The following ATP2C1 variants were observed in gnomAD, a reference collection of about 807,000 sequenced individuals.
The protein encoded by ATP2C1 is ATPase secretory pathway Ca2+ transporting 1, also known as calcium-transporting ATPase type 2C member 1.
In ATP2C1, 31 loss-of-function variants were observed where a neutral mutation model predicts 120.5. That is an observed-to-expected ratio of 0.26 (90% confidence interval 0.19 to 0.35). The LOEUF (loss-of-function observed/expected upper bound fraction) is 0.35, where lower values mean the gene tolerates loss of function less well. ATP2C1 is among the 10% of genes least tolerant of loss of function. The pLI is 1.00. For synonymous variants in ATP2C1, 351 were observed against 358.7 expected (o/e 0.98, Z 0.24); for missense variants, 731 against 1,107.5 (o/e 0.66, Z 4.83).
rs899499453 is a variant in ATP2C1, at chr3:130,952,733, G to C, written c.532-1088G>C. On this transcript the variant is annotated intron_variant, in intron 8 of 27. Transcript: ENST00000510168. Reference sequence around the variant, plus strand: ...CAGTAAAGTCATGAACTAATTCCTAGTTTCTTACAGAGTATCCTAAGGACC... The same window carrying C: ...CAGTAAAGTCATGAACTAATTCCTACTTTCTTACAGAGTATCCTAAGGACC... 3.3e-5 allele frequency among the ~76,000 whole-genome samples: 5 copies of C among 152,280 alleles called. No homozygotes were observed. In the South Asian group the frequency reaches 1.0e-3, roughly 32 times the overall value.
Position 130,965,025 on chromosome 3 carries a change from T to C in ATP2C1, c.1102T>C (p.Ser368Pro). 6.2e-7 allele frequency: 1 copy of C among 1,611,260 alleles called. No homozygotes were observed. Among genetic ancestry groups the C allele is most frequent in the Non-Finnish European group, 8.5e-7 (1 of 1,177,944 alleles). ...AATGACTGTTACTCACATATTTACTTCAGATGGTCTGCATGCTGAGGTACT... is the reference window on the plus strand; with the variant it reads ...AATGACTGTTACTCACATATTTACTCCAGATGGTCTGCATGCTGAGGTACT... ...NEMTVTHIFT[S>P]DGLHAEVTGV... Residue 368 changes from serine to proline, a missense_variant, in exon 14 of 28, where the codon TCA becomes CCA. This residue lies in a region of ATP2C1 where 571 missense variants were observed against 845.9 expected (regional missense o/e 0.67). Coordinates refer to ENST00000510168, the MANE Select transcript of ATP2C1 (RefSeq NM_001378687.1).
At chr3:130,952,319 A>G (rs1449965552) in intron 8 of ATP2C1, among the ~76,000 whole-genome samples, 3 of 152,290 alleles carry the variant, frequency 2.0e-5, no homozygotes, top group East Asian at 1.9e-4. Flanking sequence ...AGCAGTAATA[A>G]ATATTTGTTA....
At chr3:130,856,968 T>C (rs964067220) in intron 1 of ATP2C1, among the ~76,000 whole-genome samples, 8 of 152,226 alleles carry the variant, frequency 5.3e-5, no homozygotes, top group African/African-American at 1.9e-4. Flanking sequence ...ATTGTAACTT[T>C]GGGCACAAAT....
At chr3:130,985,326 A>C (rs1286369658) in intron 20 of ATP2C1, among the ~76,000 whole-genome samples, 2 of 152,184 alleles carry the variant, frequency 1.3e-5, no homozygotes, top group Non-Finnish European at 2.9e-5. Context: ...ATAGCGGAAA[A>C]GGAAACTAAA....
chr3:131,004,041 G>A (rs529720057), downstream of ATP2C1, among the ~76,000 whole-genome samples: 2 of 152,240 alleles, frequency 1.3e-5, no homozygotes, highest in South Asian at 2.1e-4. Context: ...GAAGTAGAAC[G>A]ATAATGGCAT....
chr3:130,881,118 G>A (rs2068766308), intron 1 of ATP2C1, among the ~76,000 whole-genome samples: 1 of 152,202 alleles, frequency 6.6e-6, no homozygotes, highest in Non-Finnish European at 1.5e-5. Flanking sequence ...GACTGAAAAT[G>A]TTTCTGATAT....
chr3:130,980,282 T>TG (rs143214626), intron 19 of ATP2C1, among the ~76,000 whole-genome samples: 7,773 of 151,734 alleles, frequency 0.051, 272 homozygotes, highest in Middle Eastern at 0.1. Context: ...GACAGGGTCT[T>TG]GCTATATTGC....
chr3:130,903,885 A>G (rs980587894), intron 2 of ATP2C1, among the ~76,000 whole-genome samples: 2 of 152,004 alleles, frequency 1.3e-5, no homozygotes, highest in Non-Finnish European at 2.9e-5. Flanking sequence ...CCTTGTACCA[A>G]ATTTCTTTCA....
At chr3:130,887,489 G>A (rs2069014205) in intron 1 of ATP2C1, among the ~76,000 whole-genome samples, 1 of 152,182 alleles carries the variant, frequency 6.6e-6, no homozygotes, top group Non-Finnish European at 1.5e-5. Context: ...AAAAATCCTT[G>A]TATGTCTACC....
At chr3:131,007,381 T>C (rs547024447), downstream of ATP2C1, among the ~76,000 whole-genome samples, 3 of 152,372 alleles carry the variant, frequency 2.0e-5, no homozygotes, top group East Asian at 5.8e-4. Context: ...CCCACATTTC[T>C]GTGGTGGCTT....
intron 1 of ATP2C1, chr3:130,854,086 T>C (rs551964445): frequency 6.6e-6 from 1 of 152,338 alleles, no homozygotes; most frequent in Admixed American, 6.5e-5. Context: ...TTGGTAGCTT[T>C]TTCTGGTGGT....
intron 12 of ATP2C1, among the ~76,000 whole-genome samples, chr3:130,961,938 A>G (rs2060838970): frequency 6.6e-6 from 1 of 152,052 alleles, no homozygotes; most frequent in Admixed American, 6.6e-5. Flanking sequence ...GATCTTCTCA[A>G]ACACCTTAAT....
At chr3:130,964,199 G>A in intron 13 of ATP2C1, 104 bp downstream of exon 13, 1 of 1,537,254 alleles carries the variant, frequency 6.5e-7, no homozygotes, top group Non-Finnish European at 8.9e-7. Context: ...TTTGCATAAT[G>A]ATGTTTGGCT....
intron 1 of ATP2C1, among the ~76,000 whole-genome samples, chr3:130,861,494 T>C (rs2068011562): frequency 6.6e-6 from 1 of 152,158 alleles, no homozygotes; most frequent in Admixed American, 6.5e-5. Flanking sequence ...AAATTCACCC[T>C]TCCTCTGCCT....
intron 18 of ATP2C1, 25 bp downstream of exon 18, chr3:130,975,513 C>G: frequency 6.2e-7 from 1 of 1,611,894 alleles, no homozygotes; most frequent in Non-Finnish European, 8.5e-7. Context: ...GCATAGTCCC[C>G]TGGGGTGGAA....
chr3:130,922,749 A>G (rs140330033), intron 2 of ATP2C1, among the ~76,000 whole-genome samples: 19 of 152,302 alleles, frequency 1.2e-4, no homozygotes, highest in African/African-American at 4.3e-4. Flanking sequence ...TTTAATTTCT[A>G]TGTATTTATG....
At chr3:130,937,521 T>C (rs2059723431) in intron 6 of ATP2C1, 58 bp downstream of exon 6, 2 of 1,435,290 alleles carry the variant, frequency 1.4e-6, no homozygotes, top group Middle Eastern at 1.7e-4. Context: ...AAAATCAAGG[T>C]GTCTTGTGGT....
intron 18 of ATP2C1, 81 bp downstream of exon 18, chr3:130,975,569 T>G: frequency 6.8e-7 from 1 of 1,469,854 alleles, no homozygotes; most frequent in Non-Finnish European, 9.4e-7. Context: ...GCTTCACATT[T>G]GAGCTGTCCA....
intron 2 of ATP2C1, among the ~76,000 whole-genome samples, chr3:130,905,199 G>A (rs2058066021): frequency 6.6e-6 from 1 of 151,960 alleles, no homozygotes; most frequent in African/African-American, 2.4e-5. Flanking sequence ...ATTGCTTCTA[G>A]GCTCTCTTAG....
Sources: allele counts gnomAD v4.1 joint callset (sites outside exome capture counted in the v4.1 genomes callset), GRCh38; gene constraint gnomAD v4.1.1; regional missense constraint gnomAD v4.1.1; transcripts MANE v1.5; gene names NCBI Gene and HGNC (gene_info 2026-07-23, HGNC 2026-07-21).